The following NELL1 variants were observed in gnomAD, a reference collection of about 807,000 sequenced individuals.
The protein encoded by NELL1 is protein kinase C-binding protein NELL1.
A neutral mutation model predicts 107.4 loss-of-function variants in NELL1; 76 were observed. The observed-to-expected ratio is 0.71, with a 90% CI of 0.59 to 0.86. The LOEUF (loss-of-function observed/expected upper bound fraction) is 0.86, where lower values mean the gene tolerates loss of function less well. NELL1 is among the 40% of genes least tolerant of loss of function. The pLI, the probability that NELL1 is intolerant of heterozygous loss-of-function variation, is 0.00. For synonymous variants in NELL1, 353 were observed against 341.2 expected (o/e 1.03, Z -0.38); for missense variants, 1,024 against 1,005.5 (o/e 1.02, Z -0.25).
At chr11:21,218,432 T>A (rs1399634302) in intron 13 of NELL1, among the ~76,000 whole-genome samples, 1 of 152,164 alleles carries the variant, frequency 6.6e-6, no homozygotes, top group Non-Finnish European at 1.5e-5. Flanking sequence ...TGAGTAATGA[T>A]CAAATCAGAG....
intron 15 of NELL1, among the ~76,000 whole-genome samples, chr11:21,417,477 G>C (rs1429495907): frequency 1.3e-5 from 2 of 151,540 alleles, no homozygotes; most frequent in Non-Finnish European, 2.9e-5. Context: ...GGGGTTTCCA[G>C]ATTTAAAGAA....
intron 3 of NELL1, among the ~76,000 whole-genome samples, chr11:20,825,752 C>A (rs1857867637): frequency 1.3e-5 from 2 of 150,984 alleles, no homozygotes; most frequent in South Asian, 4.2e-4. Context: ...GACTTTTGGG[C>A]AAATGCTGAA....
intron 13 of NELL1, among the ~76,000 whole-genome samples, chr11:21,191,152 G>A (rs2133835882): frequency 6.6e-6 from 1 of 151,850 alleles, no homozygotes; most frequent in East Asian, 1.9e-4. Context: ...GGTTGAAAAG[G>A]AGAATTAAAG....
chr11:20,729,261 T>C (rs909327027), intron 2 of NELL1, among the ~76,000 whole-genome samples: 1 of 152,096 alleles, frequency 6.6e-6, no homozygotes, highest in African/African-American at 2.4e-5. Context: ...GAAGAGATAG[T>C]TTAACTTCTT....
intron 15 of NELL1, among the ~76,000 whole-genome samples, chr11:21,465,546 T>C (rs1480052590): frequency 6.6e-6 from 1 of 152,124 alleles, no homozygotes; most frequent in Non-Finnish European, 1.5e-5. Context: ...ACACATGGCA[T>C]ATCAATCGTC....
At chr11:21,258,765 T>G (rs377503627) in intron 14 of NELL1, among the ~76,000 whole-genome samples, 19 of 152,134 alleles carry the variant, frequency 1.2e-4, no homozygotes, top group East Asian at 5.8e-4. Flanking sequence ...AGCTGACACA[T>G]AAAATTAACC....
intron 1 of NELL1, chr11:20,674,471 A>G (rs1351884577): frequency 1.3e-5 from 20 of 1,535,000 alleles, no homozygotes; most frequent in Non-Finnish European, 1.7e-5. Flanking sequence ...GTAACCCAAA[A>G]CATGAAATTT....
At chr11:20,796,089 T>C (rs1857163775) in intron 3 of NELL1, among the ~76,000 whole-genome samples, 2 of 152,204 alleles carry the variant, frequency 1.3e-5, no homozygotes, top group African/African-American at 4.8e-5. Flanking sequence ...CTTCCTGTCC[T>C]CATGGCTGCT....
intron 9 of NELL1, among the ~76,000 whole-genome samples, chr11:20,933,979 G>C (rs898393107): frequency 6.6e-6 from 1 of 152,210 alleles, no homozygotes; most frequent in African/African-American, 2.4e-5. Flanking sequence ...TCACCAGTGT[G>C]ATATGAAGAG....
intron 14 of NELL1, among the ~76,000 whole-genome samples, chr11:21,250,574 T>C (rs1480410057): frequency 6.6e-6 from 1 of 152,210 alleles, no homozygotes; most frequent in African/African-American, 2.4e-5. Context: ...TTGTCATATT[T>C]TGTCTTTGGC....
intron 14 of NELL1, among the ~76,000 whole-genome samples, chr11:21,318,534 C>A (rs1387773496): frequency 6.6e-6 from 1 of 152,160 alleles, no homozygotes; most frequent in East Asian, 1.9e-4. Flanking sequence ...CGGCCCCACT[C>A]GAGAACTCCT....
At chr11:21,357,461 A>G (rs1288079204) in intron 14 of NELL1, among the ~76,000 whole-genome samples, 2 of 152,122 alleles carry the variant, frequency 1.3e-5, no homozygotes, top group East Asian at 3.8e-4. Flanking sequence ...TATTTTGAGA[A>G]TTGTCCATTC....
chr11:21,041,252 C>A (rs894835334), intron 12 of NELL1, among the ~76,000 whole-genome samples: 1 of 152,148 alleles, frequency 6.6e-6, no homozygotes, highest in Admixed American at 6.6e-5. Context: ...AACTAATCTT[C>A]CACGTCAATA....
intron 11 of NELL1, among the ~76,000 whole-genome samples, chr11:20,955,698 T>C (rs142929948): frequency 5.1e-4 from 77 of 152,300 alleles, no homozygotes; most frequent in African/African-American, 1.6e-3. Flanking sequence ...AGGTATATAT[T>C]ATTATTCCCA....
chr11:20,969,931 A>G (rs972699481), intron 12 of NELL1, among the ~76,000 whole-genome samples: 4 of 152,164 alleles, frequency 2.6e-5, no homozygotes, highest in Admixed American at 2.6e-4. Context: ...ATTTATAATT[A>G]TATTATCATG....
At chr11:21,437,601 C>G (rs1853157381) in intron 15 of NELL1, among the ~76,000 whole-genome samples, 1 of 152,152 alleles carries the variant, frequency 6.6e-6, no homozygotes, top group Non-Finnish European at 1.5e-5. Flanking sequence ...TCAATTGATC[C>G]CCTCACCTTG....
At chr11:20,921,969 G>A (rs1850388560) in intron 7 of NELL1, among the ~76,000 whole-genome samples, 1 of 152,018 alleles carries the variant, frequency 6.6e-6, no homozygotes. Flanking sequence ...TGAAGTCTCA[G>A]GAAAGGATTC....
chr11:20,958,659 G>A (rs1851228429), intron 11 of NELL1, among the ~76,000 whole-genome samples: 1 of 152,120 alleles, frequency 6.6e-6, no homozygotes, highest in Non-Finnish European at 1.5e-5. Flanking sequence ...TTGAAATTGA[G>A]CACAGTCACT....
At chr11:21,309,256 ATATG>A (rs1282606385) in intron 14 of NELL1, among the ~76,000 whole-genome samples, 2 of 49,198 alleles carry the variant, frequency 4.1e-5, no homozygotes, top group Non-Finnish European at 8.3e-5. Flanking sequence ...CTAAATATAT[ATATG>A]TATATATATA....
Sources: gnomAD v4.1 joint callset for allele counts (sites outside exome capture counted in the v4.1 genomes callset) on GRCh38, gnomAD v4.1.1 for gene constraint, MANE v1.5 for transcripts, NCBI Gene and HGNC (gene_info 2026-07-23, HGNC 2026-07-21) for gene names.